NPHS1: variants seen among roughly 807,000 people sequenced by gnomAD.
NPHS1 encodes nephrin.
A neutral mutation model predicts 139.7 loss-of-function variants in NPHS1; 107 were observed. The ratio of observed to expected loss-of-function variants is 0.77; its 90% CI spans 0.66 to 0.90. NPHS1 has a LOEUF of 0.90. NPHS1 is among the 40% of genes least tolerant of loss of function. NPHS1 has a pLI of 0.00. For synonymous variants in NPHS1, 707 were observed against 706.6 expected (o/e 1.00, Z -0.01); for missense variants, 1,580 against 1,654.2 (o/e 0.96, Z 0.78).
chr19:35,841,564 C>T (rs2146818746), intron 20 of NPHS1, 151 bp downstream of exon 20: 1 of 826,478 alleles, frequency 1.2e-6, no homozygotes, highest in Non-Finnish European at 2.0e-6. Context: ...ATCCAGTCTC[C>T]ATTAGGATTT....
chr19:35,847,342 G>GA (rs1973157672), intron 11 of NPHS1, among the ~76,000 whole-genome samples: 16 of 106,790 alleles, frequency 1.5e-4, no homozygotes, highest in African/African-American at 6.5e-4. Context: ...ACTGTGCCCA[G>GA]CCTTTTTTTT....
rs748126627 is a variant in NPHS1, at chr19:35,831,736, C to A, written c.3193G>T (p.Val1065Leu). 9.5e-6 allele frequency: 15 copies of A among 1,582,944 alleles called. No homozygotes were observed. Among genetic ancestry groups the A allele is most frequent in the Non-Finnish European group, 1.2e-5 (14 of 1,165,072 alleles). The change falls in exon 24 of 29, where the codon GTG becomes TTG. Residue 1065 changes from valine to leucine, a missense_variant. Transcript: ENST00000378910. ...SGPSGLPLLPVLFALGGLLLL... is the reference protein window; with the variant it reads ...SGPSGLPLLPLLFALGGLLLL... ...AGAAGCCCCCCAAGAGCGAACAGCA[C>A]AGGCAGCAGGGGCAGCCCCGAGGGT...
chr19:35,843,496 C>T lies in NPHS1; in HGVS notation c.2310G>A (p.Pro770=), dbSNP rs1390523402. The T allele has an allele frequency of 3.7e-6, 6 of 1,613,950 alleles. No individual in the cohort carries two copies. The highest frequency in any genetic ancestry group is 1.1e-5 in the South Asian group (1 of 91,068). ...CCAGTCTCTCCCAGTTGAACATGCC[C>T]GGGAGGATGGGATTGGCATCGACAG... The part of the protein sequence containing the change: ...VCTVDANPIL[P]GMFNWERLGE... Residue 770 remains proline (P), a synonymous_variant, in exon 17 of 29, where the codon CCG becomes CCA. Coordinates refer to ENST00000378910, the MANE Select transcript of NPHS1 (RefSeq NM_004646.4).
At chr19:35,832,793 AG>A (rs1972901292) in intron 23 of NPHS1, among the ~76,000 whole-genome samples, 1 of 145,686 alleles carries the variant, frequency 6.9e-6, no homozygotes, top group Non-Finnish European at 1.5e-5. Context: ...AGGCTGAGGC[AG>A]GGGAATCACT....
In NPHS1 at chr19:35,844,365, GGC is replaced by G. The variant is rs755763002; in HGVS notation, c.2023_2024del (p.Ala675ProfsTer50). On this transcript the variant is annotated frameshift_variant, in exon 15 of 29. Transcript: ENST00000378910. LOFTEE classifies it high-confidence loss of function. ...LLPVSVSANP[A>X]PEAFNWTFRG... ...GGAAGGTCCAGTTGAAGGCCTCGGG[GGC>G]GGGGTTAGCGGACACGGACACGGGC... 9.9e-6 allele frequency: 16 copies of G among 1,613,642 alleles called. No homozygotes were observed. Among genetic ancestry groups the G allele is most frequent in the Non-Finnish European group, 1.4e-5 (16 of 1,179,904 alleles).
At chr19:35,826,788 G>T in intron 28 of NPHS1, 143 bp from the exon 29 acceptor site, 1 of 891,266 alleles carries the variant, frequency 1.1e-6, no homozygotes. Context: ...TACAAAAAAG[G>T]AGTGTGATTA....
chr19:35,839,382 C>T lies in NPHS1; in HGVS notation c.2964G>A (p.Val988=), dbSNP rs918284721. The T allele has an allele frequency of 6.2e-7, 1 of 1,614,158 alleles. No individual in the cohort carries two copies. Among genetic ancestry groups the T allele is most frequent in the Non-Finnish European group, 8.5e-7 (1 of 1,180,018 alleles). ...TGGTGGCCTGGGGTGGTACGACATC[C>T]ACATAGTGGAACCCTGGAGTCCCCA... ...EALGTPGFHY[V]DVVPPQATTF... The change falls in exon 22 of 29, where the codon GTG becomes GTA. Residue 988 remains valine, a synonymous_variant. Transcript: ENST00000378910.
At chr19:35,844,021 G>T in intron 16 of NPHS1, 82 bp downstream of exon 16, 1 of 1,556,314 alleles carries the variant, frequency 6.4e-7, no homozygotes, top group Non-Finnish European at 8.7e-7. Context: ...TCCCTGGGTG[G>T]GCGGAGCTCC....
In NPHS1 at chr19:35,844,349, A is replaced by G. The variant is rs1029486399; in HGVS notation, c.2041T>C (p.Trp681Arg). The G allele has an allele frequency of 6.2e-7, 1 of 1,613,912 alleles. No homozygotes were observed. Among genetic ancestry groups the G allele is most frequent in the Non-Finnish European group, 8.5e-7 (1 of 1,179,972 alleles). ...CTGAGGCGATAGCCGCGGAAGGTCC[A>G]GTTGAAGGCCTCGGGGGCGGGGTTA... The part of the protein sequence containing the change: ...SANPAPEAFN[W>R]TFRGYRLSPA... Residue 681 changes from tryptophan to arginine, a missense_variant, in exon 15 of 29, where the codon TGG (tryptophan) becomes CGG (arginine). Transcript: ENST00000378910.
chr19:35,850,979 C>T lies in NPHS1; in HGVS notation c.508G>A (p.Asp170Asn), dbSNP rs1172511960. 3.7e-6 allele frequency: 6 copies of T among 1,614,132 alleles called. No individual in the cohort carries two copies. Among genetic ancestry groups the T allele is most frequent in the Non-Finnish European group, 4.2e-6 (5 of 1,180,030 alleles). The change falls in exon 4 of 29, where the codon GAC (aspartate) becomes AAC (asparagine). Residue 170 changes from aspartate to asparagine, a missense_variant. Physicochemically the swap from Asp to Asn is conservative, Grantham distance 23 (BLOSUM62 1). Coordinates refer to ENST00000378910, the MANE Select transcript of NPHS1 (RefSeq NM_004646.4). ...CACTCACTCAGGAGAATGGTGATGT[C>T]AGGTGCTGGCTTCGCGTCCCCAGAC... ...CVSGDAKPAP[D>N]ITILLSGQTI...
At position 35,851,339 on chromosome 19, in the gene NPHS1, G is replaced by T. The variant is rs386833934; in HGVS notation, c.320C>A (p.Ala107Glu). ...GCGGCCGACCTGGCACTCATACTCC[G>T]CGTCATCGCTGAGGTCACAGGCCTC... is the stretch of plus-strand genomic sequence containing the variant. ...HIEACDLSDD[A>E]EYECQVGRSE... Residue 107 changes from alanine to glutamate, a missense_variant, in exon 3 of 29, where the codon GCG (alanine) becomes GAG (glutamate). Coordinates refer to ENST00000378910, the MANE Select transcript of NPHS1 (RefSeq NM_004646.4). 1 of 1,613,754 alleles carries T rather than the reference G, an allele frequency of 6.2e-7. No homozygotes were observed. Among genetic ancestry groups the T allele is most frequent in the Non-Finnish European group, 8.5e-7 (1 of 1,179,854 alleles).
Position 35,841,720 on chromosome 19 carries a change from C to T in NPHS1, c.2810G>A (p.Ser937Asn), listed in dbSNP as rs201194276. 415 of 1,614,050 alleles carry T rather than the reference C, an allele frequency of 2.6e-4. No individual in the cohort carries two copies. Among genetic ancestry groups the T allele is most frequent in the Non-Finnish European group, 3.4e-4 (397 of 1,180,048 alleles). ...GSDQTNIQLV[S>N]ISRPDPPSGL... ...CCCTCACAGCCCCTCCATACTGATG[C>T]TGACAAGTTGAATGTTGGTTTGGTC... The change falls in exon 20 of 29, where the codon AGC (serine) becomes AAC (asparagine). Residue 937 changes from serine (S) to asparagine (N), a missense_variant. By Grantham distance (46) the Ser-to-Asn change is conservative. Coordinates refer to ENST00000378910, the MANE Select transcript of NPHS1 (RefSeq NM_004646.4).
intron 6 of NPHS1, 52 bp downstream of exon 6, chr19:35,849,498 C>G (rs1419331248): frequency 5.6e-6 from 9 of 1,594,604 alleles, no homozygotes; most frequent in Non-Finnish European, 7.7e-6. Flanking sequence ...CCACACCCCC[C>G]AGTGCCTGCT....
Position 35,850,349 on chromosome 19 carries a change from T to C in NPHS1, c.608+15A>G. 2 of 1,611,366 alleles carry C rather than the reference T, an allele frequency of 1.2e-6. No homozygotes were observed. On this transcript the variant is annotated intron_variant, in intron 5 of 28. Coordinates refer to ENST00000378910, the MANE Select transcript of NPHS1 (RefSeq NM_004646.4). ...ATTAGGGGTCAAGGTTGGGGGGTTG[T>C]TTCAGTTTCCACACCTGGCTGTGGC...
At chr19:35,843,697 T>C (rs1973092855) in intron 16 of NPHS1, 104 bp from the exon 17 acceptor site, 3 of 1,469,336 alleles carry the variant, frequency 2.0e-6, no homozygotes, top group South Asian at 2.4e-5. Flanking sequence ...AGGAAAGTTA[T>C]GGGTGTGGAC....
At chr19:35,835,059 G>T (rs962776470) in intron 23 of NPHS1, among the ~76,000 whole-genome samples, 13 of 151,184 alleles carry the variant, frequency 8.6e-5, no homozygotes, top group Admixed American at 2.0e-4. Flanking sequence ...AATTAGCCAG[G>T]TGTGGTGGCA....
Position 35,845,914 on chromosome 19 carries a change from C to A in NPHS1, c.1627+94G>T. ...TCGGGTCCCCCACCCCGCCTCCGCCCGCTTTCCCCGGGTCCAGGGTTCGCT... is the reference window on the plus strand; with the variant it reads ...TCGGGTCCCCCACCCCGCCTCCGCCAGCTTTCCCCGGGTCCAGGGTTCGCT... On this transcript the variant is annotated intron_variant, in intron 12 of 28. Coordinates refer to ENST00000378910, the MANE Select transcript of NPHS1 (RefSeq NM_004646.4). This position sits in a 1 kb window ranked among gnomAD's most constrained non-coding sequence, Gnocchi z 5.5. 2 of 1,525,178 alleles carry A rather than the reference C, an allele frequency of 1.3e-6. No individual in the cohort carries two copies. The highest frequency in any genetic ancestry group is 1.2e-5 in the South Asian group (1 of 81,302). The allele number at this position is 1,525,178 out of a possible 1,614,324, so 94.5% of individuals were successfully genotyped here.
Position 35,841,768 on chromosome 19 carries a change from G to C in NPHS1, c.2762C>G (p.Thr921Arg), listed in dbSNP as rs773991721. The C allele has an allele frequency of 6.2e-7, 1 of 1,614,150 alleles. No individual in the cohort carries two copies. The change falls in exon 20 of 29, where the codon ACA becomes AGA. Residue 921 changes from threonine to arginine, a missense_variant. By Grantham distance (71) the Thr-to-Arg change is moderately conservative. Coordinates refer to ENST00000378910, the MANE Select transcript of NPHS1 (RefSeq NM_004646.4). ...GTCCGAGCCAAGGGCGTTGGTGGCT[G>C]TACATGTGAAGAGGGCGTAATCCTG... ...AAQDYALFTC[T>R]ATNALGSDQT...
rs890335556 is a variant in NPHS1, at chr19:35,836,300, C to G, written c.3110-539G>C. On this transcript the variant is annotated intron_variant, in intron 22 of 28. Transcript: ENST00000378910. ...AGAGACAGGGTCTCACTCTGTCGCT[C>G]AGGCTGGAGTGCAGTGGTATGATCA... 7.3e-5 allele frequency among the ~76,000 whole-genome samples: 11 copies of G among 149,846 alleles called. No individual in the cohort carries two copies. The Admixed American group carries it at 7.3e-4, about 10-fold the overall frequency.
Sources: gnomAD v4.1 joint callset for allele counts (sites outside exome capture counted in the v4.1 genomes callset) on GRCh38, gnomAD v4.1.1 for gene constraint, Gnocchi (gnomAD v3.1) non-coding constraint, MANE v1.5 for transcripts, NCBI Gene and HGNC (gene_info 2026-07-23, HGNC 2026-07-21) for gene names.